The following CPSF7 variants were observed in gnomAD, a reference collection of about 807,000 sequenced individuals.
CPSF7 encodes cleavage and polyadenylation specificity factor subunit 7.
In CPSF7, 1 loss-of-function variant was observed where a neutral mutation model predicts 44.3. The ratio of observed to expected loss-of-function variants is 0.02; its 90% CI spans 0.01 to 0.11. CPSF7 has a LOEUF of 0.11. CPSF7 is among the 10% of genes least tolerant of loss of function. The pLI, the probability that CPSF7 is intolerant of heterozygous loss-of-function variation, is 1.00. For synonymous variants in CPSF7, 202 were observed against 222.0 expected, an observed-to-expected ratio of 0.91 and a Z score of 0.80; for missense variants, 443 against 607.2, an observed-to-expected ratio of 0.73 and a Z score of 2.84.
rs1861800468 is a variant in CPSF7, at chr11:61,429,886, C to T, written c.-56+28G>A. 1.1e-5 allele frequency: 17 copies of T among 1,526,140 alleles called. No homozygotes were observed. In the South Asian group the frequency reaches 1.8e-4, roughly 16 times the overall value. The allele number at this position is 1,526,140 out of a possible 1,614,324, so 94.5% of individuals were successfully genotyped here. ...GGCCCGGACCCCTCTTCCGGCCCAA[C>T]CTGCCCCCGACCGCGCGCCCCCGTT... On this transcript the variant is annotated intron_variant, in intron 1 of 9. Coordinates refer to ENST00000439958, the MANE Select transcript of CPSF7 (RefSeq NM_001142565.3).
intron 2 of CPSF7, among the ~76,000 whole-genome samples, chr11:61,428,702 A>C (rs1861638143): frequency 6.6e-6 from 1 of 152,238 alleles, no homozygotes; most frequent in African/African-American, 2.4e-5. Context: ...AAAGGAAGTA[A>C]AACTTAATTG....
At position 61,415,003 on chromosome 11, in the gene CPSF7, G is replaced by A. The variant is rs148113434; in HGVS notation, c.1057+663C>T. 2.3e-3 allele frequency among the ~76,000 whole-genome samples: 350 copies of A among 152,266 alleles called. 1 individual carries two copies. Among genetic ancestry groups the A allele is most frequent in the African/African-American group, 7.9e-3 (330 of 41,554 alleles). ...TGTAATCCTAGCACTTTGGGAGGCC[G>A]AGACAGGCGGATCACTTGTGGTCAG... On this transcript the variant is annotated intron_variant, in intron 7 of 9. Coordinates refer to ENST00000439958, the MANE Select transcript of CPSF7 (RefSeq NM_001142565.3).
rs373953697 is a variant in CPSF7, at chr11:61,419,115, C to T, written c.523+834G>A. Among the ~76,000 whole-genome samples the T allele has an allele frequency of 2.7e-4, 41 of 152,180 alleles. No individual in the cohort carries two copies. The South Asian group carries it at 6.2e-3, about 23-fold the overall frequency. ...TCAGCTCACAGCAACCTCCGTCTCC[C>T]GGGGTCAAGCAATTCTCCTGCCTCA... On this transcript the variant is annotated intron_variant, in intron 5 of 9. Transcript: ENST00000439958.
intron 2 of CPSF7, chr11:61,428,774 T>C (rs1861642832): frequency 6.5e-6 from 1 of 153,702 alleles, no homozygotes; most frequent in South Asian, 2.0e-4. Context: ...ACTGTCACGA[T>C]GGAGGGGACT....
intron 7 of CPSF7, 142 bp downstream of exon 7, chr11:61,415,524 A>G (rs1860241197): frequency 1.3e-5 from 8 of 634,702 alleles, no homozygotes; most frequent in Admixed American, 2.7e-5. Flanking sequence ...ATCAGGTTAC[A>G]TATTGCTCTT....
rs1180967527 is a variant in CPSF7, at chr11:61,403,375, TG to T, written c.*1334del. On this transcript the variant is annotated 3_prime_UTR_variant, in exon 10 of 10. Transcript: ENST00000439958. ...CCCCATGGGTACCGCAGGACCTCGC[TG>T]CTGCCTCCTCCTTCAGCAGCAACCA... 6.6e-6 allele frequency: 1 copy of T among 152,212 alleles called. No homozygotes were observed. Among genetic ancestry groups the T allele is most frequent in the African/African-American group, 2.4e-5 (1 of 41,446 alleles). 9.4% of individuals were successfully genotyped at this position (152,212 alleles called of 1,614,324 possible).
At chr11:61,406,038 G>A (rs1859289923) in intron 9 of CPSF7, 1 of 152,172 alleles carries the variant, frequency 6.6e-6, no homozygotes, top group South Asian at 2.1e-4. Context: ...ATTTCAAGTA[G>A]GATAATGTCC....
chr11:61,420,100 G>A lies in CPSF7; in HGVS notation c.378-6C>T. Reference sequence around the variant, plus strand: ...CTACCACCACCTCAGCATACCTTAGGAAAGAAAAATTAAAAATGAATGAAA... The same window carrying A: ...CTACCACCACCTCAGCATACCTTAGAAAAGAAAAATTAAAAATGAATGAAA... On this transcript the variant is annotated splice_polypyrimidine_tract_variant and splice_region_variant and intron_variant, in intron 4 of 9. Coordinates refer to ENST00000439958, the MANE Select transcript of CPSF7 (RefSeq NM_001142565.3). The A allele has an allele frequency of 6.3e-7, 1 of 1,588,124 alleles. No individual in the cohort carries two copies. The highest frequency in any genetic ancestry group is 8.6e-7 in the Non-Finnish European group (1 of 1,167,436).
chr11:61,421,460 G>A lies in CPSF7; in HGVS notation c.203C>T (p.Pro68Leu). The A allele has an allele frequency of 6.2e-7, 1 of 1,614,174 alleles. No individual in the cohort carries two copies. Among genetic ancestry groups the A allele is most frequent in the South Asian group, 1.1e-5 (1 of 91,084 alleles). ...EPSPKPNNKT[P>L]AILYTYSGLR... ...GCCACTGTAGGTATACAGAATTGCAGGGGTCTTGTTGTTGGGCTTGGGAGA... is the reference window on the plus strand; with the variant it reads ...GCCACTGTAGGTATACAGAATTGCAAGGGTCTTGTTGTTGGGCTTGGGAGA... Residue 68 changes from proline to leucine, a missense_variant, in exon 3 of 10, where the codon CCT (proline) becomes CTT (leucine). Coordinates refer to ENST00000439958, the MANE Select transcript of CPSF7 (RefSeq NM_001142565.3).
chr11:61,419,894 C>A (rs768456315), intron 5 of CPSF7, 55 bp downstream of exon 5: 20 of 1,594,896 alleles, frequency 1.3e-5, no homozygotes, highest in East Asian at 9.0e-5. Context: ...ACAAACACCC[C>A]CCCCTCATAC....
At chr11:61,424,591 TACAGGTGTGC>T (rs1861182616) in intron 2 of CPSF7, among the ~76,000 whole-genome samples, 2 of 152,282 alleles carry the variant, frequency 1.3e-5, no homozygotes, top group South Asian at 4.1e-4. Flanking sequence ...CAGCTGGAAT[TACAGGTGTGC>T]ACCACCACAC....
chr11:61,428,255 C>A (rs950400246), intron 2 of CPSF7, among the ~76,000 whole-genome samples: 14 of 152,194 alleles, frequency 9.2e-5, no homozygotes, highest in African/African-American at 3.4e-4. Flanking sequence ...AATCATGGCT[C>A]ACTGCAGCCT....
At chr11:61,421,223 C>T in intron 3 of CPSF7, 167 bp downstream of exon 3, 2 of 1,040,150 alleles carry the variant, frequency 1.9e-6, no homozygotes, top group Non-Finnish European at 2.9e-6. Context: ...ACCAGTACGT[C>T]CTCAGGATAG....
chr11:61,413,995 A>G (rs1860082123), intron 7 of CPSF7, among the ~76,000 whole-genome samples: 1 of 152,210 alleles, frequency 6.6e-6, no homozygotes, highest in African/African-American at 2.4e-5. Context: ...GACTGGAATG[A>G]GAACAACAGG....
chr11:61,419,827 C>T lies in CPSF7; in HGVS notation c.523+122G>A, dbSNP rs1050798640. ...ATGACACCACTCACAACCACCATCACCCTCCCCCAAACTCACCCACACTGT... is the reference window on the plus strand; with the variant it reads ...ATGACACCACTCACAACCACCATCATCCTCCCCCAAACTCACCCACACTGT... On this transcript the variant is annotated intron_variant, in intron 5 of 9. Transcript: ENST00000439958. 7.3e-6 allele frequency: 9 copies of T among 1,231,066 alleles called. No individual in the cohort carries two copies. The Admixed American group carries it at 1.4e-4, about 19-fold the overall frequency. 76.3% of individuals were successfully genotyped at this position (1,231,066 alleles called of 1,614,324 possible).
At chr11:61,429,445 C>G in intron 1 of CPSF7, 155 bp from the exon 2 acceptor site, 1 of 534,928 alleles carries the variant, frequency 1.9e-6, no homozygotes, top group African/African-American at 2.0e-5. Context: ...CCTCGCGCCG[C>G]CCACCGCTCT....
At chr11:61,413,262 T>C (rs1407470642) in intron 7 of CPSF7, among the ~76,000 whole-genome samples, 1 of 152,186 alleles carries the variant, frequency 6.6e-6, no homozygotes, top group Non-Finnish European at 1.5e-5. Flanking sequence ...CAAGTTATTT[T>C]TAACCTACCA....
intron 3 of CPSF7, chr11:61,421,058 A>G: frequency 7.5e-7 from 1 of 1,339,654 alleles, no homozygotes; most frequent in Non-Finnish European, 9.8e-7. Flanking sequence ...ACCCACCATT[A>G]TCACAGGACC....
Position 61,411,044 on chromosome 11 carries a change from G to A in CPSF7, c.1288C>T (p.Arg430Trp), listed in dbSNP as rs1247238278. The A allele has an allele frequency of 1.2e-6, 2 of 1,613,320 alleles. No homozygotes were observed. Among genetic ancestry groups the A allele is most frequent in the Non-Finnish European group, 8.5e-7 (1 of 1,179,856 alleles). Residue 430 changes from arginine to tryptophan, a missense_variant, in exon 9 of 10, where the codon CGG becomes TGG. Transcript: ENST00000439958. ...CGATCTTCATTATGAAGCAGATCCC[G>A]GTGCCTCCTGCTGCTCTCCCGGGAC... ...SRSRESSRRH[R>W]DLLHNEDRHD...
Sources: gnomAD v4.1 joint callset for allele counts (sites outside exome capture counted in the v4.1 genomes callset) on GRCh38, gnomAD v4.1.1 for gene constraint, MANE v1.5 for transcripts, NCBI Gene and HGNC (gene_info 2026-07-23, HGNC 2026-07-21) for gene names.